EIF5: variants seen among roughly 807,000 people sequenced by gnomAD.
EIF5 encodes the protein eukaryotic translation initiation factor 5.
In EIF5, 10 loss-of-function variants were observed where a neutral mutation model predicts 48.3. The observed-to-expected ratio is 0.21, with a 90% CI of 0.13 to 0.35. The LOEUF is 0.35. Ranked by LOEUF, EIF5 falls within the 10% of genes least tolerant of loss-of-function variation. EIF5 has a pLI of 1.00. For missense variants in EIF5, 397 were observed against 533.2 expected, an observed-to-expected ratio of 0.74 and a Z score of 2.51; for synonymous variants, 237 against 173.1, an observed-to-expected ratio of 1.37 and a Z score of -2.90.
Position 103,341,338 on chromosome 14 carries a change from G to A in EIF5, c.*286G>A. The A allele has an allele frequency of 4.1e-6, 1 of 243,016 alleles. No individual in the cohort carries two copies. Among genetic ancestry groups the A allele is most frequent in the Non-Finnish European group, 8.2e-6 (1 of 122,274 alleles). 15.1% of individuals were successfully genotyped at this position (243,016 alleles called of 1,614,324 possible). On this transcript the variant is annotated 3_prime_UTR_variant, in exon 12 of 12. Transcript: ENST00000216554. The stretch of plus-strand genomic sequence containing the variant: ...ACATTTATACAGTTATAAAAATAAA[G>A]GTTTGATTTTGGTCGTTCTTCAGAT...
At chr14:103,340,890 C>T in intron 11 of EIF5, 73 bp from the exon 12 acceptor site, 3 of 1,493,912 alleles carry the variant, frequency 2.0e-6, no homozygotes, top group Non-Finnish European at 2.8e-6. Flanking sequence ...TCCTCTGTGA[C>T]CACAATTTAC....
At chr14:103,335,963 G>A (rs370801904) in intron 3 of EIF5, 31 bp downstream of exon 3, 25 of 1,613,886 alleles carry the variant, frequency 1.5e-5, no homozygotes, top group Non-Finnish European at 1.9e-5. Context: ...TTAGTTGATA[G>A]CTCTTTTTGT....
Position 103,340,542 on chromosome 14 carries a change from A to G in EIF5, c.1187A>G (p.Asp396Gly). Residue 396 changes from aspartate (D) to glycine (G), a missense_variant, in exon 11 of 12, where the codon GAT (aspartate) becomes GGT (glycine). Physicochemically the swap from Asp to Gly is moderately conservative, Grantham distance 94. Around this residue, in one of 4 missense-constraint regions of EIF5, gnomAD observed 160 missense variants for 184.8 expected, o/e 0.87. Coordinates refer to ENST00000216554, the MANE Select transcript of EIF5 (RefSeq NM_001969.5). ...GAATCTTCTGGTGGCGAAGAAGAAG[A>G]TGAAGATGAGAACATTGAGGTAAAC... ...EEESSGGEEEDEDENIEVVYS... is the reference protein window; with the variant it reads ...EEESSGGEEEGEDENIEVVYS... 1 of 1,612,652 alleles carries G rather than the reference A, an allele frequency of 6.2e-7. No individual in the cohort carries two copies. The highest frequency in any genetic ancestry group is 8.5e-7 in the Non-Finnish European group (1 of 1,178,684).
In EIF5 at chr14:103,340,712, G is replaced by T. The variant is rs929336715; in HGVS notation, c.1206+151G>T. On this transcript the variant is annotated intron_variant, in intron 11 of 11. Coordinates refer to ENST00000216554, the MANE Select transcript of EIF5 (RefSeq NM_001969.5). ...TAAAATACAGCCTCTCAATAATTTG[G>T]AAAATAATAGAAAGGGTGATGGAAA... 1.1e-5 allele frequency: 12 copies of T among 1,090,090 alleles called. No individual in the cohort carries two copies. The Admixed American group carries it at 1.1e-4, about 10-fold the overall frequency. 67.5% of individuals were successfully genotyped at this position (1,090,090 alleles called of 1,614,324 possible).
chr14:103,336,012 A>C, intron 3 of EIF5, 24 bp from the exon 4 acceptor site: 1 of 1,614,052 alleles, frequency 6.2e-7, no homozygotes, highest in Non-Finnish European at 8.5e-7. Context: ...GAAACTGCAC[A>C]ACTAAAATTC....
rs551125815 is a variant in EIF5, at chr14:103,343,138, T to C, written c.*2086T>C. 3 of 152,796 alleles carry C rather than the reference T, an allele frequency of 2.0e-5. No individual in the cohort carries two copies. Among genetic ancestry groups the C allele is most frequent in the African/African-American group, 7.2e-5 (3 of 41,594 alleles). 9.5% of individuals were successfully genotyped at this position (152,796 alleles called of 1,614,324 possible). A position where few individuals can be genotyped will look rare whatever the true frequency, so the allele number is the denominator to read the frequency against. On this transcript the variant is annotated 3_prime_UTR_variant, in exon 12 of 12. Transcript: ENST00000216554. Reference sequence around the variant, plus strand: ...TGTCTTAAGGATTTGTTTAAACAGCTAAGTTACTTGATTAAAATAATGATA... The same window carrying C: ...TGTCTTAAGGATTTGTTTAAACAGCCAAGTTACTTGATTAAAATAATGATA...
rs779951363 is a variant in EIF5, at chr14:103,338,458, C to T, written c.571C>T (p.Pro191Ser). ...PPPPPNEINP[P>S]PHTMEEEEDD... ...ACCACCACCAAATGAAATTAATCCT[C>T]CTCCACATACAATGGTGAGTGCAGG... Residue 191 changes from proline (P) to serine (S), a missense_variant, in exon 7 of 12, where the codon CCT (proline) becomes TCT (serine). Physicochemically the swap from Pro to Ser is moderately conservative, Grantham distance 74. Around this residue, in one of 4 missense-constraint regions of EIF5, gnomAD observed 126 missense variants for 141.9 expected, o/e 0.89. Transcript: ENST00000216554. The T allele has an allele frequency of 1.3e-5, 21 of 1,571,966 alleles. No homozygotes were observed. Among genetic ancestry groups the T allele is most frequent in the East Asian group, 1.2e-4 (5 of 41,794 alleles).
At chr14:103,339,139 C>T (rs774705397) in intron 8 of EIF5, 33 bp from the exon 9 acceptor site, 4 of 1,588,084 alleles carry the variant, frequency 2.5e-6, no homozygotes, top group Middle Eastern at 1.7e-4. Context: ...AGTGTGCCTC[C>T]ATTGCACTGA....
At chr14:103,336,302 C>A in intron 4 of EIF5, 185 bp downstream of exon 4, 1 of 688,014 alleles carries the variant, frequency 1.5e-6, no homozygotes, top group Non-Finnish European at 2.4e-6. Flanking sequence ...GAGTGGATGG[C>A]TGGGCGCGTT....
rs1448303607 is a variant in EIF5, at chr14:103,340,561, G to A, written c.1206G>A (p.Glu402=). 1 of 1,609,410 alleles carries A rather than the reference G, an allele frequency of 6.2e-7. No individual in the cohort carries two copies. The highest frequency in any genetic ancestry group is 8.5e-7 in the Non-Finnish European group (1 of 1,175,994). Residue 402 remains glutamate, a splice_region_variant and synonymous_variant, in exon 11 of 12, where the codon GAG becomes GAA. Transcript: ENST00000216554. ...AAGAAGATGAAGATGAGAACATTGA[G>A]GTAAACATTGGGGGAGGAGGGTATT... ...GEEEDEDENI[E]VVYSKAASVP... is the part of the protein sequence containing the mutation.
In EIF5 at chr14:103,339,010, C is replaced by T. The variant is rs1319588275; in HGVS notation, c.744+117C>T. The T allele has an allele frequency of 2.0e-5, 30 of 1,487,094 alleles. 1 individual carries two copies. The highest frequency in any genetic ancestry group is 2.6e-5 in the Non-Finnish European group (29 of 1,107,596). The allele number at this position is 1,487,094 out of a possible 1,614,324, so 92.1% of individuals were successfully genotyped here. On this transcript the variant is annotated intron_variant, in intron 8 of 11. Coordinates refer to ENST00000216554, the MANE Select transcript of EIF5 (RefSeq NM_001969.5). ...CTCTAATGCACGACTTTTTAGAACTCTTGTTCATTTAAATATTTTTTGCGC... is the reference window on the plus strand; with the variant it reads ...CTCTAATGCACGACTTTTTAGAACTTTTGTTCATTTAAATATTTTTTGCGC...
intron 6 of EIF5, 28 bp from the exon 7 acceptor site, chr14:103,338,299 A>ACAT: frequency 6.2e-7 from 1 of 1,606,748 alleles, no homozygotes; most frequent in South Asian, 1.1e-5. Flanking sequence ...TTATGGGGTT[A>ACAT]AATTTTTATT....
At position 103,341,791 on chromosome 14, in the gene EIF5, T is replaced by C. The variant is rs544112813; in HGVS notation, c.*739T>C. ...CACGTTGGATGAGCCAGGGAAATTA[T>C]TACATTAACAAGCATTTTGTGTGTA... On this transcript the variant is annotated 3_prime_UTR_variant, in exon 12 of 12. Transcript: ENST00000216554. 5 of 152,734 alleles carry C rather than the reference T, an allele frequency of 3.3e-5. No homozygotes were observed. Among genetic ancestry groups the C allele is most frequent in the South Asian group, 2.1e-4 (1 of 4,834 alleles). The allele number at this position is 152,734 out of a possible 1,614,324, so 9.5% of individuals were successfully genotyped here. A position where few individuals can be genotyped will look rare whatever the true frequency, so the allele number is the denominator to read the frequency against.
chr14:103,342,526 CTG>C lies in EIF5; in HGVS notation c.*1476_*1477del, dbSNP rs1183750924. On this transcript the variant is annotated 3_prime_UTR_variant, in exon 12 of 12. Transcript: ENST00000216554. ...GAGCAGTGGCTTATACCATTCACCT[CTG>C]TTTTTTTGTGATTATTTCACAGATA... 2.6e-5 allele frequency: 4 copies of C among 152,352 alleles called. No individual in the cohort carries two copies. The highest frequency in any genetic ancestry group is 1.9e-4 in the East Asian group (1 of 5,190). 9.4% of individuals were successfully genotyped at this position (152,352 alleles called of 1,614,324 possible). A position where few individuals can be genotyped will look rare whatever the true frequency, so the allele number is the denominator to read the frequency against.
At chr14:103,338,268 T>C in intron 6 of EIF5, 59 bp from the exon 7 acceptor site, 4 of 1,579,592 alleles carry the variant, frequency 2.5e-6, no homozygotes, top group Non-Finnish European at 3.4e-6. Context: ...ACGTTAATGA[T>C]GGGCAATGAG....
chr14:103,340,062 G>C (rs1197827295), intron 10 of EIF5, among the ~76,000 whole-genome samples: 1 of 152,114 alleles, frequency 6.6e-6, no homozygotes, highest in Non-Finnish European at 1.5e-5. Flanking sequence ...TTACCATGTT[G>C]GCCAGGTTGG....
Position 103,336,538 on chromosome 14 carries a change from G to A in EIF5, c.155-139G>A, listed in dbSNP as rs1361761581. ...GGAGGTTGCAGTGAGCTGAGACCAC[G>A]CCGTTGCACTCCAGCCTGGGTGACA... On this transcript the variant is annotated intron_variant, in intron 4 of 11. Coordinates refer to ENST00000216554, the MANE Select transcript of EIF5 (RefSeq NM_001969.5). 6.7e-6 allele frequency: 6 copies of A among 895,120 alleles called. No homozygotes were observed. The East Asian group carries it at 8.3e-5, about 12-fold the overall frequency. 55.4% of individuals were successfully genotyped at this position (895,120 alleles called of 1,614,324 possible).
rs1299097643 is a variant in EIF5 at position 103,338,534 on chromosome 14, T to C, written c.585+62T>C. On this transcript the variant is annotated intron_variant, in intron 7 of 11. Transcript: ENST00000216554. ...TTGTGTAAAGTATATGGCATTTGGT[T>C]GAGGTGGGTGGAAATGTTGAAACTA... 13 of 1,519,420 alleles carry C rather than the reference T, an allele frequency of 8.6e-6. No homozygotes were observed. The East Asian group carries it at 3.0e-4, about 35-fold the overall frequency. The allele number at this position is 1,519,420 out of a possible 1,614,324, so 94.1% of individuals were successfully genotyped here.
chr14:103,336,408 C>T (rs550065107), intron 4 of EIF5: 5 of 558,212 alleles, frequency 9.0e-6, no homozygotes, highest in Non-Finnish European at 1.3e-5. Context: ...TAGTGAAATC[C>T]TGAGTCTACT....
Sources: gnomAD v4.1 joint callset for allele counts (sites outside exome capture counted in the v4.1 genomes callset) on GRCh38, gnomAD v4.1.1 for gene constraint, gnomAD v4.1.1 regional missense constraint, MANE v1.5 for transcripts, NCBI Gene and HGNC (gene_info 2026-07-23, HGNC 2026-07-21) for gene names.